RAD51B: variants seen among roughly 807,000 people sequenced by gnomAD.
RAD51B encodes the protein DNA repair protein RAD51 homolog 2.
In RAD51B, 38 loss-of-function variants were observed where a neutral mutation model predicts 42.2. That is an observed-to-expected ratio of 0.90 (90% CI 0.70 to 1.18). RAD51B has a LOEUF of 1.18. Among genes scored for constraint, RAD51B ranks in the 50% most tolerant of loss-of-function variants. The pLI, the probability that RAD51B is intolerant of heterozygous loss-of-function variation, is 0.00. For missense variants in RAD51B, 373 were observed against 400.7 expected (o/e 0.93, Z 0.59); for synonymous variants, 154 against 145.2 (o/e 1.06, Z -0.43).
intron 7 of RAD51B, among the ~76,000 whole-genome samples, chr14:68,262,254 G>T (rs750230058): frequency 6.6e-6 from 1 of 152,108 alleles, no homozygotes; most frequent in Non-Finnish European, 1.5e-5. Flanking sequence ...TAAGAACAAG[G>T]TCTGCCTTTT....
chr14:68,285,102 G>A (rs963800045), intron 7 of RAD51B, among the ~76,000 whole-genome samples: 1 of 152,164 alleles, frequency 6.6e-6, no homozygotes, highest in Non-Finnish European at 1.5e-5. Flanking sequence ...GGGAGCAGGA[G>A]GACAGCATGG....
chr14:68,238,545 T>C (rs1372374467), intron 7 of RAD51B, among the ~76,000 whole-genome samples: 1 of 152,098 alleles, frequency 6.6e-6, no homozygotes, highest in Admixed American at 6.5e-5. Flanking sequence ...CCTCAAGCAA[T>C]CCCCCTTCCT....
chr14:68,032,087 AT>A (rs2076055649), intron 7 of RAD51B, among the ~76,000 whole-genome samples: 1 of 152,160 alleles, frequency 6.6e-6, no homozygotes, highest in South Asian at 2.1e-4. Context: ...TCTTGGGCAA[AT>A]TATGTATCTC....
At position 68,354,456 on chromosome 14, in the gene RAD51B, A is replaced by G. The variant is rs138753592; in HGVS notation, c.854-56968A>G. On this transcript the variant is annotated intron_variant, in intron 8 of 10. Transcript: ENST00000471583. ...TCTCGATCCCTTGACCTCGTGATCT[A>G]CCCACCTCAGCCTCCCAAAGTGTTG... Among the ~76,000 whole-genome samples, 989 of 151,942 alleles carry G rather than the reference A, an allele frequency of 6.5e-3. 6 individuals carry two copies. The highest frequency in any genetic ancestry group is 0.023 in the African/African-American group (943 of 41,516).
rs960913242 is a variant in RAD51B at position 68,668,140 on chromosome 14, C to T, written c.*11+17284C>T. On this transcript the variant is annotated intron_variant, in intron 11 of 11. Transcript: ENST00000488612. ...ATACCCAGGTGCTCATTTTTCTTCT[C>T]CCCAGTTACCTGCTAAAGGCTCCAT... Among the ~76,000 whole-genome samples the T allele has an allele frequency of 3.9e-5, 6 of 152,202 alleles. No individual in the cohort carries two copies. In the East Asian group the frequency reaches 1.2e-3, roughly 29 times the overall value.
At chr14:68,597,561 T>G (rs112054677), downstream of RAD51B, among the ~76,000 whole-genome samples, 3,901 of 152,254 alleles carry the variant, frequency 0.026, 81 homozygotes, top group Non-Finnish European at 0.04. Flanking sequence ...AAATACCACA[T>G]GTTCTTACTT....
intron 7 of RAD51B, among the ~76,000 whole-genome samples, chr14:68,134,115 C>T (rs2077959812): frequency 6.6e-6 from 1 of 152,200 alleles, no homozygotes; most frequent in Non-Finnish European, 1.5e-5. Context: ...CCCACCCCAT[C>T]TCATATTCCC....
At chr14:68,124,242 T>C (rs2077710031) in intron 7 of RAD51B, among the ~76,000 whole-genome samples, 1 of 152,196 alleles carries the variant, frequency 6.6e-6, no homozygotes, top group African/African-American at 2.4e-5. Context: ...TTCAGCCTAT[T>C]TTCCATTCCT....
At chr14:68,372,033 G>A (rs2083275214) in intron 8 of RAD51B, among the ~76,000 whole-genome samples, 1 of 152,230 alleles carries the variant, frequency 6.6e-6, no homozygotes, top group Admixed American at 6.5e-5. Flanking sequence ...GAGACTGGCA[G>A]GGAGGAGAGG....
chr14:67,968,425 GCT>G (rs1465402246), intron 7 of RAD51B, among the ~76,000 whole-genome samples: 1 of 152,124 alleles, frequency 6.6e-6, no homozygotes, highest in Non-Finnish European at 1.5e-5. Flanking sequence ...TAAGTTTTAT[GCT>G]CTGTTTCCTT....
At chr14:68,370,932 G>T (rs1192767208) in intron 8 of RAD51B, among the ~76,000 whole-genome samples, 1 of 149,880 alleles carries the variant, frequency 6.7e-6, no homozygotes, top group East Asian at 2.0e-4. Context: ...AGCTGCTCAG[G>T]AAGTGGAGGC....
chr14:68,666,911 G>T (rs1292544665), intron 11 of RAD51B, among the ~76,000 whole-genome samples: 2 of 152,166 alleles, frequency 1.3e-5, no homozygotes, highest in Non-Finnish European at 2.9e-5. Context: ...TGTAGATGTG[G>T]ACAGAAGTGA....
intron 7 of RAD51B, among the ~76,000 whole-genome samples, chr14:67,959,720 T>C (rs766369509): frequency 6.6e-6 from 1 of 152,206 alleles, no homozygotes; most frequent in Non-Finnish European, 1.5e-5. Flanking sequence ...AATGGTTCTT[T>C]ACTAATTATA....
chr14:68,172,379 C>G (rs1017829817), intron 7 of RAD51B, among the ~76,000 whole-genome samples: 16 of 152,194 alleles, frequency 1.1e-4, no homozygotes, highest in African/African-American at 3.9e-4. Flanking sequence ...ACAGGTTTGT[C>G]CCTTCATTAG....
chr14:68,220,324 T>A (rs1342802887), intron 7 of RAD51B, among the ~76,000 whole-genome samples: 2 of 152,166 alleles, frequency 1.3e-5, no homozygotes, highest in East Asian at 3.8e-4. Flanking sequence ...TGTCAGTCAA[T>A]AAATGTGATA....
chr14:68,033,015 G>T (rs75225862), intron 7 of RAD51B, among the ~76,000 whole-genome samples: 1 of 151,922 alleles, frequency 6.6e-6, no homozygotes, highest in South Asian at 2.1e-4. Flanking sequence ...AGTGACCTTC[G>T]CTTAGGCTAG....
At chr14:68,630,974 A>G (rs1892214810) in intron 10 of RAD51B, among the ~76,000 whole-genome samples, 1 of 152,184 alleles carries the variant, frequency 6.6e-6, no homozygotes, top group African/African-American at 2.4e-5. Flanking sequence ...GTGGAAATGG[A>G]AAAATGAAGT....
intron 11 of RAD51B, among the ~76,000 whole-genome samples, chr14:68,671,153 G>T (rs1249668150): frequency 6.6e-6 from 1 of 152,176 alleles, no homozygotes; most frequent in African/African-American, 2.4e-5. Context: ...GGGCACCCAT[G>T]ATAACTGGGC....
intron 8 of RAD51B, chr14:68,338,908 C>A (rs776286381): frequency 6.1e-6 from 4 of 653,438 alleles, no homozygotes; most frequent in Non-Finnish European, 1.1e-5. Context: ...TCCGAGTTAA[C>A]CTTTGTGAAG....
Sources: gnomAD v4.1 joint callset for allele counts (sites outside exome capture counted in the v4.1 genomes callset) on GRCh38, gnomAD v4.1.1 for gene constraint, MANE v1.5 for transcripts, NCBI Gene and HGNC (gene_info 2026-07-23, HGNC 2026-07-21) for gene names.